The following SLC4A1 variants were observed in gnomAD, a reference collection of about 807,000 sequenced individuals.
SLC4A1 encodes band 3 anion transport protein.
In SLC4A1, 29 loss-of-function variants were observed where a neutral mutation model predicts 93.1. That is an observed-to-expected ratio of 0.31 (90% CI 0.23 to 0.42). The LOEUF is 0.42. Among genes scored for constraint, SLC4A1 ranks in the 20% least tolerant of loss-of-function variants. The pLI, the probability that SLC4A1 is intolerant of heterozygous loss-of-function variation, is 1.00. For synonymous variants in SLC4A1, 469 were observed against 497.2 expected (o/e 0.94, Z 0.76); for missense variants, 965 against 1,190.1 (o/e 0.81, Z 2.78).
chr17:44,259,372 G>A, intron 8 of SLC4A1, 28 bp from the exon 9 acceptor site: 1 of 1,612,656 alleles, frequency 6.2e-7, no homozygotes, highest in Non-Finnish European at 8.5e-7. Flanking sequence ...GATCAGGCCA[G>A]GCCGAGGAGC....
Position 44,255,591 on chromosome 17 carries a change from G to A in SLC4A1, c.1800+82C>T, listed in dbSNP as rs529209923. On this transcript the variant is annotated intron_variant, in intron 14 of 19. Coordinates refer to ENST00000262418, the MANE Select transcript of SLC4A1 (RefSeq NM_000342.4). Reference sequence around the variant, plus strand: ...AATCTGAAAAAGAAGGGAAGCTAAGGGCACTGAGGAATTTGGAGCGGGGGG... The same window carrying A: ...AATCTGAAAAAGAAGGGAAGCTAAGAGCACTGAGGAATTTGGAGCGGGGGG... 40 of 1,370,150 alleles carry A rather than the reference G, an allele frequency of 2.9e-5. No individual in the cohort carries two copies. The African/African-American group carries it at 5.4e-4, about 19-fold the overall frequency. The allele number at this position is 1,370,150 out of a possible 1,614,324, so 84.9% of individuals were successfully genotyped here.
rs755668347 is a variant in SLC4A1, at chr17:44,260,551, G to A, written c.350-12C>T. The A allele has an allele frequency of 3.7e-6, 6 of 1,614,212 alleles. No homozygotes were observed. The highest frequency in any genetic ancestry group is 4.2e-6 in the Non-Finnish European group (5 of 1,180,022). ...TAGGAGGACAGTACCTGCAGGCAGT[G>A]GAGGAGTGAGCTGGTAGGCTGGGCC... On this transcript the variant is annotated splice_polypyrimidine_tract_variant and intron_variant, in intron 5 of 19. Coordinates refer to ENST00000262418, the MANE Select transcript of SLC4A1 (RefSeq NM_000342.4).
At position 44,262,660 on chromosome 17, in the gene SLC4A1, C is replaced by T. The variant is rs55637644; in HGVS notation, c.82G>A (p.Glu28Lys). 9.2e-5 allele frequency: 149 copies of T among 1,613,258 alleles called. 1 individual carries two copies. The highest frequency in any genetic ancestry group is 6.5e-4 in the East Asian group (29 of 44,854). The change falls in exon 3 of 20, where the codon GAG becomes AAG. Residue 28 changes from glutamate to lysine, a missense_variant. This residue lies in a region of SLC4A1 where 195 missense variants were observed against 183.5 expected (regional missense o/e 1.06). Transcript: ENST00000262418. ...CCTGCCGGCTCCTCCATCTGGGACT[C>T]GGGGATGTCTGGGTCTTCATATTCC... ...QEEYEDPDIP[E>K]SQMEEPAAHD... is the part of the protein sequence containing the mutation.
chr17:44,259,141 GC>G, intron 9 of SLC4A1, 21 bp downstream of exon 9: 1 of 1,612,946 alleles, frequency 6.2e-7, no homozygotes, highest in Non-Finnish European at 8.5e-7. Context: ...CCCCAGCCCA[GC>G]CCTCTCCGGC....
intron 13 of SLC4A1, among the ~76,000 whole-genome samples, chr17:44,257,138 C>T (rs557716228): frequency 6.6e-6 from 1 of 152,204 alleles, no homozygotes; most frequent in East Asian, 1.9e-4. Context: ...ATTACAGATG[C>T]ATGCCACCAC....
intron 3 of SLC4A1, 93 bp from the exon 4 acceptor site, chr17:44,261,729 C>T: frequency 6.2e-7 from 1 of 1,607,396 alleles, no homozygotes. Context: ...CAGGCATGGG[C>T]AGATGCCCCT....
chr17:44,253,039 C>A, intron 17 of SLC4A1, 79 bp downstream of exon 17: 7 of 1,502,010 alleles, frequency 4.7e-6, no homozygotes, highest in Non-Finnish European at 6.4e-6. Flanking sequence ...GGTGCTGGGT[C>A]CGAACAGAAA....
chr17:44,261,730 A>G lies in SLC4A1; in HGVS notation c.107-94T>C, dbSNP rs561325467. ...GAGCCTCAGAGACCCAGGCATGGGC[A>G]GATGCCCCTCCTTCCCAGTGCCCTG... On this transcript the variant is annotated intron_variant, in intron 3 of 19. Coordinates refer to ENST00000262418, the MANE Select transcript of SLC4A1 (RefSeq NM_000342.4). 6.3e-5 allele frequency: 101 copies of G among 1,606,750 alleles called. No homozygotes were observed. In the South Asian group the frequency reaches 9.9e-4, roughly 16 times the overall value.
chr17:44,257,881 G>A (rs1229214292), intron 11 of SLC4A1, 74 bp from the exon 12 acceptor site: 2 of 1,607,386 alleles, frequency 1.2e-6, no homozygotes, highest in Non-Finnish European at 1.7e-6. Flanking sequence ...GTCATGGTCA[G>A]GCTGATGCAG....
rs55705332 is a variant in SLC4A1, at chr17:44,253,970, C to CT, written c.2057+525dup. On this transcript the variant is annotated intron_variant, in intron 16 of 19. Transcript: ENST00000262418. ...CAGATGTGAGCCACCTCACCTGGCGCTTTTTTTTTTTTTTTTTTTTTGAGA... is the reference window on the plus strand; with the variant it reads ...CAGATGTGAGCCACCTCACCTGGCGCTTTTTTTTTTTTTTTTTTTTTTGAGA... 8.3e-3 allele frequency among the ~76,000 whole-genome samples: 721 copies of CT among 87,070 alleles called. 21 individuals are homozygous for CT. The highest frequency in any genetic ancestry group is 0.022 in the African/African-American group (364 of 16,776). 57.1% of individuals were successfully genotyped at this position (87,070 alleles called of 152,430 possible).
In SLC4A1 at chr17:44,259,863, T is replaced by C; in HGVS notation, c.555A>G (p.Ser185=). The C allele has an allele frequency of 6.2e-7, 1 of 1,613,964 alleles. No individual in the cohort carries two copies. Residue 185 remains serine (S), a synonymous_variant, in exon 7 of 20, where the codon TCA becomes TCG. Transcript: ENST00000262418. ...PAVLTRSGDP[S]QPLLPQHSSL... ...AGGAGTGTTGGGGGAGCAGAGGCTG[T>C]GAAGGATCCCCAGAGCGTGTCAGGA... is the stretch of plus-strand genomic sequence containing the variant.
chr17:44,258,515 C>G lies in SLC4A1; in HGVS notation c.985G>C (p.Glu329Gln). 6.2e-7 allele frequency: 1 copy of G among 1,613,960 alleles called. No homozygotes were observed. Among genetic ancestry groups the G allele is most frequent in the Non-Finnish European group, 8.5e-7 (1 of 1,179,984 alleles). Residue 329 changes from glutamate (E) to glutamine (Q), a missense_variant, in exon 10 of 20, where the codon GAG (glutamate) becomes CAG (glutamine). Physicochemically the swap from Glu to Gln is conservative, Grantham distance 29. Coordinates refer to ENST00000262418, the MANE Select transcript of SLC4A1 (RefSeq NM_000342.4). The surrounding 1 kb of genome is among the most constrained non-coding windows in gnomAD (Gnocchi z 6.1). Reference protein sequence around the residue: ...LVLPPTDAPSEQALLSLVPVQ... With the variant: ...LVLPPTDAPSQQALLSLVPVQ... ...GGCACCAGACTGAGCAGTGCCTGCT[C>G]GGAGGGGGCATCGGTGGGAGGCAGC...
chr17:44,263,082 C>G, intron 1 of SLC4A1, 148 bp from the exon 2 acceptor site: 2 of 701,778 alleles, frequency 2.8e-6, no homozygotes, highest in East Asian at 2.7e-5. Flanking sequence ...AAAGGGAGAA[C>G]GAGCTGGATT....
At chr17:44,251,390 G>A in intron 18 of SLC4A1, 29 bp downstream of exon 18, 2 of 1,614,234 alleles carry the variant, frequency 1.2e-6, no homozygotes, top group Non-Finnish European at 1.7e-6. Context: ...TACCACCCCA[G>A]GCTGGGCAGC....
intron 17 of SLC4A1, 121 bp downstream of exon 17, chr17:44,252,997 G>A: frequency 9.5e-7 from 1 of 1,052,406 alleles, no homozygotes; most frequent in Non-Finnish European, 1.4e-6. Flanking sequence ...GGAGATGTGG[G>A]GAAGTGGTGC....
In SLC4A1 at chr17:44,258,372, C is replaced by T. The variant is rs749521166; in HGVS notation, c.1087+41G>A. On this transcript the variant is annotated intron_variant, in intron 10 of 19. Coordinates refer to ENST00000262418, the MANE Select transcript of SLC4A1 (RefSeq NM_000342.4). This position sits in a 1 kb window ranked among gnomAD's most constrained non-coding sequence, Gnocchi z 6.1. ...AGGCTACGCTGAGGTGTCTGGGGGT[C>T]GGTGGGGGCTCAGAAAGCCTCAGCT... 10 of 1,586,468 alleles carry T rather than the reference C, an allele frequency of 6.3e-6. No individual in the cohort carries two copies. The highest frequency in any genetic ancestry group is 3.3e-5 in the South Asian group (3 of 90,508).
intron 17 of SLC4A1, 143 bp from the exon 18 acceptor site, chr17:44,251,731 T>TG (rs1271879774): frequency 9.2e-5 from 54 of 585,438 alleles, no homozygotes; most frequent in African/African-American, 6.4e-4. Flanking sequence ...TTTTTTTTTT[T>TG]TTTTTTTTGT....
chr17:44,258,658 C>T lies in SLC4A1; in HGVS notation c.877-35G>A, dbSNP rs768313636. ...GGAGACAGGGTCAGAGCTGCCCGGA[C>T]CTGCGGAGGGAAAGGACCCAGGAGT... On this transcript the variant is annotated intron_variant, in intron 9 of 19. Transcript: ENST00000262418. This position sits in a 1 kb window ranked among gnomAD's most constrained non-coding sequence, Gnocchi z 6.1. The T allele has an allele frequency of 1.3e-6, 2 of 1,551,412 alleles. No individual in the cohort carries two copies. The highest frequency in any genetic ancestry group is 2.4e-5 in the East Asian group (1 of 41,038).
chr17:44,251,217 G>A lies in SLC4A1; in HGVS notation c.2597C>T (p.Thr866Ile). ...CAGCAGGACGCGCCGCAGCGGCACA[G>A]TGAGGATGAGGACGAAGGGCAGGGC... ...SLALPFVLIL[T>I]VPLRRVLLPL... is the part of the protein sequence containing the mutation. Residue 866 changes from threonine to isoleucine, a missense_variant, in exon 19 of 20, where the codon ACT becomes ATT. By Grantham distance (89) the Thr-to-Ile change is moderately conservative (BLOSUM62 -1). Around this residue, in one of 2 missense-constraint regions of SLC4A1, gnomAD observed 770 missense variants for 1,006.6 expected, o/e 0.76. Transcript: ENST00000262418. 1 of 1,614,038 alleles carries A rather than the reference G, an allele frequency of 6.2e-7. No homozygotes were observed. The highest frequency in any genetic ancestry group is 8.5e-7 in the Non-Finnish European group (1 of 1,179,982).
Sources: allele counts gnomAD v4.1 joint callset (sites outside exome capture counted in the v4.1 genomes callset), GRCh38; gene constraint gnomAD v4.1.1; regional missense constraint gnomAD v4.1.1; non-coding constraint Gnocchi (gnomAD v3.1); transcripts MANE v1.5; gene names NCBI Gene and HGNC (gene_info 2026-07-23, HGNC 2026-07-21).